Variants in RALGAPA2 observed in about 807,000 individuals in gnomAD.
RALGAPA2 encodes the protein Ral GTPase activating protein catalytic subunit alpha 2.
A neutral mutation model predicts 230.4 loss-of-function variants in RALGAPA2; 139 were observed. The ratio of observed to expected loss-of-function variants is 0.60; its 90% CI spans 0.53 to 0.69. RALGAPA2 has a LOEUF of 0.69. Among genes scored for constraint, RALGAPA2 ranks in the 30% least tolerant of loss-of-function variants. RALGAPA2 has a pLI of 0.00. For synonymous variants in RALGAPA2, 847 were observed against 837.8 expected (o/e 1.01, Z -0.19); for missense variants, 2,163 against 2,276.0 (o/e 0.95, Z 1.01).
rs374683207 is a variant in RALGAPA2, at chr20:20,446,448, G to A, written c.5495+26381C>T. Among the ~76,000 whole-genome samples the A allele has an allele frequency of 7.9e-4, 121 of 152,254 alleles. No homozygotes were observed. The East Asian group carries it at 0.014, about 17-fold the overall frequency. On this transcript the variant is annotated intron_variant, in intron 37 of 39. Coordinates refer to ENST00000202677, the MANE Select transcript of RALGAPA2 (RefSeq NM_020343.4). Reference sequence around the variant, plus strand: ...GCCATTACTTTTAAAGGCAAAAACCGCAATTACTTTTGCACCAATCTAAAT... The same window carrying A: ...GCCATTACTTTTAAAGGCAAAAACCACAATTACTTTTGCACCAATCTAAAT...
chr20:20,695,085 T>C (rs2069059719), intron 1 of RALGAPA2, among the ~76,000 whole-genome samples: 1 of 152,184 alleles, frequency 6.6e-6, no homozygotes, highest in Non-Finnish European at 1.5e-5. Context: ...CATACTTTTT[T>C]CCAAACCTGT....
chr20:20,402,897 C>T (rs1019761265), intron 38 of RALGAPA2, among the ~76,000 whole-genome samples: 4 of 152,178 alleles, frequency 2.6e-5, no homozygotes, highest in African/African-American at 9.7e-5. Flanking sequence ...CCACTCTGAC[C>T]TTCCTGTTCT....
At chr20:20,689,615 C>G (rs2068829487) in intron 1 of RALGAPA2, among the ~76,000 whole-genome samples, 1 of 152,208 alleles carries the variant, frequency 6.6e-6, no homozygotes, top group African/African-American at 2.4e-5. Context: ...GCACACCAGC[C>G]TGGTGACAGG....
chr20:20,579,310 C>T (rs1479491546), intron 20 of RALGAPA2, among the ~76,000 whole-genome samples: 2 of 152,216 alleles, frequency 1.3e-5, no homozygotes, highest in Admixed American at 1.3e-4. Flanking sequence ...AAATGCTTCT[C>T]TCCTGTCCTG....
At chr20:20,706,854 A>G (rs2069628835) in intron 1 of RALGAPA2, among the ~76,000 whole-genome samples, 2 of 152,216 alleles carry the variant, frequency 1.3e-5, no homozygotes, top group African/African-American at 4.8e-5. Context: ...ACAAGTAGCT[A>G]TTCTCACTGA....
At chr20:20,512,163 G>A (rs867669120) in intron 32 of RALGAPA2, among the ~76,000 whole-genome samples, 5 of 151,392 alleles carry the variant, frequency 3.3e-5, no homozygotes, top group East Asian at 1.9e-4. Flanking sequence ...ACTCCAGCCC[G>A]GGCAACAGAG....
intron 16 of RALGAPA2, among the ~76,000 whole-genome samples, chr20:20,600,243 C>T (rs1270711643): frequency 6.6e-6 from 1 of 152,182 alleles, no homozygotes; most frequent in Non-Finnish European, 1.5e-5. Context: ...TTGCAATGAG[C>T]TGAGATCGCT....
At chr20:20,541,272 T>C (rs2063635621) in intron 24 of RALGAPA2, among the ~76,000 whole-genome samples, 1 of 152,148 alleles carries the variant, frequency 6.6e-6, no homozygotes, top group South Asian at 2.1e-4. Flanking sequence ...ACCCCCTCAG[T>C]GGATGACTGA....
At chr20:20,404,902 G>A (rs549823945) in intron 38 of RALGAPA2, among the ~76,000 whole-genome samples, 9 of 152,326 alleles carry the variant, frequency 5.9e-5, no homozygotes, top group South Asian at 2.1e-4. Flanking sequence ...ATCTCAGGCC[G>A]CTTCTTATTC....
At chr20:20,409,117 G>T (rs944493375) in intron 38 of RALGAPA2, among the ~76,000 whole-genome samples, 1 of 152,196 alleles carries the variant, frequency 6.6e-6, no homozygotes, top group African/African-American at 2.4e-5. Context: ...ACCCACCCCC[G>T]CAGGGCTTGT....
intron 23 of RALGAPA2, among the ~76,000 whole-genome samples, chr20:20,550,157 A>T (rs1258091512): frequency 6.6e-6 from 1 of 152,098 alleles, no homozygotes; most frequent in African/African-American, 2.4e-5. Context: ...CTTTCCCCCA[A>T]GTCCCCAAAG....
intron 1 of RALGAPA2, among the ~76,000 whole-genome samples, chr20:20,682,462 G>C (rs1330428561): frequency 1.3e-5 from 2 of 152,134 alleles, no homozygotes; most frequent in Non-Finnish European, 2.9e-5. Flanking sequence ...TCTGAAGCCA[G>C]CTTCACTCAG....
chr20:20,531,869 A>G (rs1020528045), intron 26 of RALGAPA2, 74 bp from the exon 27 acceptor site: 180 of 1,113,614 alleles, frequency 1.6e-4, no homozygotes, highest in Middle Eastern at 1.2e-3. Flanking sequence ...TCAAATAACA[A>G]AACACTTTAA....
chr20:20,604,410 A>G (rs1490418167), intron 15 of RALGAPA2, among the ~76,000 whole-genome samples: 1 of 152,200 alleles, frequency 6.6e-6, no homozygotes, highest in Non-Finnish European at 1.5e-5. Flanking sequence ...AATACAACAA[A>G]GCCAAAATAG....
chr20:20,513,355 G>A, intron 31 of RALGAPA2, 71 bp from the exon 32 acceptor site: 2 of 1,243,746 alleles, frequency 1.6e-6, no homozygotes, highest in Non-Finnish European at 2.1e-6. Flanking sequence ...CCTTTTTTTT[G>A]GGTGGGGGGC....
chr20:20,566,539 A>G (rs2064431318), intron 23 of RALGAPA2, among the ~76,000 whole-genome samples: 2 of 152,222 alleles, frequency 1.3e-5, no homozygotes, highest in Admixed American at 6.5e-5. Flanking sequence ...GATATCAGAA[A>G]TAAATGATGG....
chr20:20,401,898 C>T (rs2059848249), intron 38 of RALGAPA2, among the ~76,000 whole-genome samples: 1 of 152,218 alleles, frequency 6.6e-6, no homozygotes, highest in African/African-American at 2.4e-5. Flanking sequence ...TTATCCGTGC[C>T]AAAGTGGCAT....
At chr20:20,418,247 G>A (rs2060205656) in intron 37 of RALGAPA2, among the ~76,000 whole-genome samples, 1 of 152,192 alleles carries the variant, frequency 6.6e-6, no homozygotes, top group East Asian at 1.9e-4. Flanking sequence ...TGGCAATTAA[G>A]TTGCTCAGTA....
chr20:20,668,746 G>A (rs145228900), intron 3 of RALGAPA2, among the ~76,000 whole-genome samples: 14 of 152,302 alleles, frequency 9.2e-5, no homozygotes, highest in African/African-American at 3.4e-4. Context: ...GAGAGAATGG[G>A]CCAGATGGGG....
Sources: gnomAD v4.1 joint callset for allele counts (sites outside exome capture counted in the v4.1 genomes callset) on GRCh38, gnomAD v4.1.1 for gene constraint, MANE v1.5 for transcripts, NCBI Gene and HGNC (gene_info 2026-07-23, HGNC 2026-07-21) for gene names.